KATNIP: variants seen among roughly 807,000 people sequenced by gnomAD.
KATNIP encodes katanin interacting protein, also known as katanin-interacting protein.
A neutral mutation model predicts 174.0 loss-of-function variants in KATNIP; 126 were observed. The observed-to-expected ratio is 0.72, with a 90% CI of 0.63 to 0.84. The LOEUF (loss-of-function observed/expected upper bound fraction) is 0.84. KATNIP is among the 40% of genes least tolerant of loss of function. KATNIP has a pLI of 0.00. For synonymous variants in KATNIP, 810 were observed against 835.7 expected (o/e 0.97, Z 0.53); for missense variants, 1,958 against 2,109.7 (o/e 0.93, Z 1.41).
At chr16:27,665,292 A>G (rs1341162371) in intron 6 of KATNIP, among the ~76,000 whole-genome samples, 1 of 151,612 alleles carries the variant, frequency 6.6e-6, no homozygotes, top group South Asian at 2.1e-4. Flanking sequence ...TTTAGTAGAG[A>G]TGGGGTTTCA....
intron 1 of KATNIP, among the ~76,000 whole-genome samples, chr16:27,561,510 G>A (rs2089882996): frequency 6.6e-6 from 1 of 152,026 alleles, no homozygotes; most frequent in African/African-American, 2.4e-5. Flanking sequence ...CTTCACTTCA[G>A]AGCCCACTGC....
At position 27,761,607 on chromosome 16, in the gene KATNIP, A is replaced by T; in HGVS notation, c.3809+17A>T. ...CCTGGACAAGTAAGTGTCTATCAGA[A>T]GCTTTACTTTCATGCCCACTGGGTT... On this transcript the variant is annotated intron_variant, in intron 19 of 27. Transcript: ENST00000261588. The T allele has an allele frequency of 6.2e-7, 1 of 1,605,670 alleles. No individual in the cohort carries two copies. Among genetic ancestry groups the T allele is most frequent in the Non-Finnish European group, 8.5e-7 (1 of 1,173,146 alleles).
intron 6 of KATNIP, among the ~76,000 whole-genome samples, chr16:27,671,681 G>A (rs111780574): frequency 2.0e-5 from 3 of 152,150 alleles, no homozygotes; most frequent in Non-Finnish European, 2.9e-5. Flanking sequence ...TGCAACTGCA[G>A]CAAAGCTGGT....
chr16:27,563,600 A>C (rs2089971322), intron 1 of KATNIP, among the ~76,000 whole-genome samples: 2 of 152,162 alleles, frequency 1.3e-5, no homozygotes. Context: ...GGGCCAGGCC[A>C]TGCAGAGCCT....
chr16:27,570,868 G>A (rs892870901), intron 1 of KATNIP, among the ~76,000 whole-genome samples: 3 of 152,278 alleles, frequency 2.0e-5, no homozygotes, highest in African/African-American at 7.2e-5. Flanking sequence ...CAGTATATAC[G>A]GTGAGAAAGG....
At chr16:27,662,663 G>A (rs1389999030) in intron 6 of KATNIP, among the ~76,000 whole-genome samples, 1 of 152,142 alleles carries the variant, frequency 6.6e-6, no homozygotes, top group Non-Finnish European at 1.5e-5. Context: ...AAATGAAGGT[G>A]CCAGATGAAT....
At chr16:27,719,211 G>A (rs1035602922) in intron 13 of KATNIP, among the ~76,000 whole-genome samples, 1 of 152,208 alleles carries the variant, frequency 6.6e-6, no homozygotes, top group South Asian at 2.1e-4. Flanking sequence ...TGGATATGAA[G>A]CAGTAGGGAG....
chr16:27,689,409 T>TAA (rs76417958), intron 8 of KATNIP, among the ~76,000 whole-genome samples: 2 of 140,472 alleles, frequency 1.4e-5, no homozygotes, highest in Non-Finnish European at 3.1e-5. Flanking sequence ...AGACTCCGTC[T>TAA]AAAAAAAAAA....
chr16:27,721,810 C>G (rs2143019172), intron 14 of KATNIP, 115 bp downstream of exon 14: 2 of 1,159,526 alleles, frequency 1.7e-6, no homozygotes, highest in East Asian at 5.0e-5. Context: ...CCCTGCTGGC[C>G]TCGTGTGTGC....
intron 2 of KATNIP, among the ~76,000 whole-genome samples, chr16:27,613,497 A>G (rs1206412203): frequency 6.6e-6 from 1 of 152,182 alleles, no homozygotes; most frequent in African/African-American, 2.4e-5. Context: ...TATTTCATCT[A>G]AAAATGTCAT....
At chr16:27,611,711 C>T (rs1430317185) in intron 2 of KATNIP, among the ~76,000 whole-genome samples, 37 of 152,164 alleles carry the variant, frequency 2.4e-4, no homozygotes, top group Admixed American at 2.4e-3. Flanking sequence ...TTATTGGTAT[C>T]CCCTTTTCGC....
chr16:27,582,245 C>A (rs1029028482), intron 2 of KATNIP, among the ~76,000 whole-genome samples: 2 of 152,116 alleles, frequency 1.3e-5, no homozygotes, highest in African/African-American at 4.8e-5. Flanking sequence ...TCCATATTTA[C>A]AGATCTCAAT....
At chr16:27,722,031 T>C (rs1713488456) in intron 14 of KATNIP, among the ~76,000 whole-genome samples, 1 of 152,250 alleles carries the variant, frequency 6.6e-6, no homozygotes, top group Middle Eastern at 3.2e-3. Flanking sequence ...AATGAGAATG[T>C]GAACGCCTGC....
chr16:27,627,026 G>A (rs141947623), intron 3 of KATNIP, among the ~76,000 whole-genome samples: 7 of 151,108 alleles, frequency 4.6e-5, no homozygotes, highest in South Asian at 2.1e-4. Context: ...TCTTCATATC[G>A]TTGATCATCA....
chr16:27,713,854 A>G (rs28601683), intron 13 of KATNIP, among the ~76,000 whole-genome samples: 1 of 69,314 alleles, frequency 1.4e-5, no homozygotes, highest in Non-Finnish European at 2.8e-5. Context: ...ATATATATAT[A>G]TATCTATCTC....
intron 1 of KATNIP, among the ~76,000 whole-genome samples, chr16:27,556,187 A>G (rs2089620403): frequency 6.6e-6 from 1 of 152,150 alleles, no homozygotes; most frequent in Non-Finnish European, 1.5e-5. Flanking sequence ...AAATAGGCAG[A>G]CTTATTCCAC....
intron 15 of KATNIP, 86 bp from the exon 16 acceptor site, chr16:27,749,498 G>A: frequency 6.9e-7 from 1 of 1,452,892 alleles, no homozygotes; most frequent in Non-Finnish European, 9.2e-7. Flanking sequence ...CTCACTGAGA[G>A]CCACCACAGG....
At chr16:27,681,225 C>T (rs930920139) in intron 7 of KATNIP, 174 bp from the exon 8 acceptor site, 1 of 769,304 alleles carries the variant, frequency 1.3e-6, no homozygotes, top group Non-Finnish European at 2.2e-6. Flanking sequence ...CCATGACTCT[C>T]AGCAAACTTG....
chr16:27,685,548 AC>A (rs1429405841), intron 8 of KATNIP, among the ~76,000 whole-genome samples: 1 of 152,222 alleles, frequency 6.6e-6, no homozygotes, highest in Non-Finnish European at 1.5e-5. Context: ...ATGCGTTCAT[AC>A]AAAAAATGCA....
Sources: gnomAD v4.1 joint callset for allele counts (sites outside exome capture counted in the v4.1 genomes callset) on GRCh38, gnomAD v4.1.1 for gene constraint, MANE v1.5 for transcripts, NCBI Gene and HGNC (gene_info 2026-07-23, HGNC 2026-07-21) for gene names.